CDKAL1: variants seen among roughly 807,000 people sequenced by gnomAD.
CDKAL1 encodes the protein threonylcarbamoyladenosine tRNA methylthiotransferase.
A neutral mutation model predicts 68.2 loss-of-function variants in CDKAL1; 32 were observed. The observed-to-expected ratio is 0.47, with a 90% confidence interval of 0.35 to 0.63. The LOEUF is 0.63. CDKAL1 is among the 30% of genes least tolerant of loss of function. CDKAL1 has a pLI of 0.00. For synonymous variants in CDKAL1, 234 were observed against 244.3 expected, an observed-to-expected ratio of 0.96 and a Z score of 0.39; for missense variants, 606 against 696.7, an observed-to-expected ratio of 0.87 and a Z score of 1.47.
At chr6:21,039,375 A>G (rs1467880858) in intron 11 of CDKAL1, among the ~76,000 whole-genome samples, 1 of 152,170 alleles carries the variant, frequency 6.6e-6, no homozygotes, top group African/African-American at 2.4e-5. Flanking sequence ...CTGCTGGTAT[A>G]AGTAGTATAA....
At position 20,799,047 on chromosome 6, in the gene CDKAL1, T is replaced by TTTTG. The variant is rs1212107827; in HGVS notation, c.638+17785_638+17786insGTTT. Among the ~76,000 whole-genome samples, 15 of 109,022 alleles carry TTTTG rather than the reference T, an allele frequency of 1.4e-4. 1 individual carries two copies. Among genetic ancestry groups the TTTTG allele is most frequent in the Admixed American group, 1.2e-3 (12 of 9,830 alleles). 71.5% of individuals were successfully genotyped at this position (109,022 alleles called of 152,430 possible). A position where few individuals can be genotyped will look rare whatever the true frequency, so the allele number is the denominator to read the frequency against. Reference sequence around the variant, plus strand: ...ATATTTGAAAAGAACTGAGTTTTTTTTTTTTTTTTTTTTTTTTTTTTTGAG... The same window carrying TTTTG: ...ATATTTGAAAAGAACTGAGTTTTTTTTTTGTTTTTTTTTTTTTTTTTTTTTTGAG... On this transcript the variant is annotated intron_variant, in intron 8 of 15. Transcript: ENST00000274695.
Position 21,105,316 on chromosome 6 carries a change from C to T in CDKAL1, c.1237-3085C>T, listed in dbSNP as rs545091836. ...TCCAGGGGAAGGGAGTGTTAAATTA[C>T]TTTAGAATTTGATGGTCAGAAGCAC... On this transcript the variant is annotated intron_variant, in intron 12 of 15. Transcript: ENST00000274695. Among the ~76,000 whole-genome samples, 105 of 152,200 alleles carry T rather than the reference C, an allele frequency of 6.9e-4. 1 individual carries two copies. In the South Asian group the frequency reaches 0.02, roughly 30 times the overall value.
intron 5 of CDKAL1, among the ~76,000 whole-genome samples, chr6:20,708,947 A>G (rs1019349331): frequency 3.3e-5 from 5 of 152,140 alleles, no homozygotes; most frequent in African/African-American, 4.8e-5. Flanking sequence ...ATTGGTCATG[A>G]TAGAACTTGC....
chr6:21,125,601 G>A (rs1331016356), intron 13 of CDKAL1, among the ~76,000 whole-genome samples: 1 of 152,196 alleles, frequency 6.6e-6, no homozygotes, highest in Non-Finnish European at 1.5e-5. Flanking sequence ...GAACCCGGCG[G>A]GGGTGGGGCG....
intron 13 of CDKAL1, among the ~76,000 whole-genome samples, chr6:21,164,567 G>A (rs1562084964): frequency 1.3e-5 from 2 of 152,170 alleles, no homozygotes; most frequent in Admixed American, 6.5e-5. Flanking sequence ...TTGGCTTGAT[G>A]CCATTTATGC....
chr6:20,643,822 C>T (rs1478667118), intron 4 of CDKAL1, among the ~76,000 whole-genome samples: 1 of 152,074 alleles, frequency 6.6e-6, no homozygotes, highest in East Asian at 1.9e-4. Context: ...ATTATTCCCT[C>T]TTTTTTTCCC....
intron 15 of CDKAL1, among the ~76,000 whole-genome samples, chr6:21,220,051 T>A (rs545462115): frequency 6.6e-6 from 1 of 152,314 alleles, no homozygotes; most frequent in Admixed American, 6.5e-5. Context: ...GTGGGGCAGC[T>A]TTCATTCATA....
intron 4 of CDKAL1, among the ~76,000 whole-genome samples, chr6:20,634,826 A>C (rs558065471): frequency 4.0e-5 from 6 of 151,866 alleles, no homozygotes; most frequent in Admixed American, 2.0e-4. Context: ...AAAAATACAA[A>C]ATTAGCCAGG....
chr6:20,966,411 T>C (rs1477638143), intron 10 of CDKAL1, among the ~76,000 whole-genome samples: 1 of 152,212 alleles, frequency 6.6e-6, no homozygotes. Flanking sequence ...CTCAGAACTC[T>C]TTGATTTGCA....
intron 4 of CDKAL1, among the ~76,000 whole-genome samples, chr6:20,553,262 C>T (rs1020426660): frequency 6.6e-6 from 1 of 152,138 alleles, no homozygotes; most frequent in Non-Finnish European, 1.5e-5. Flanking sequence ...GTAATCCCAG[C>T]ACTTAGGAGG....
intron 9 of CDKAL1, among the ~76,000 whole-genome samples, chr6:20,951,557 T>G (rs1029986159): frequency 2.0e-5 from 3 of 152,236 alleles, no homozygotes; most frequent in African/African-American, 7.2e-5. Context: ...CAGGCTGGTC[T>G]GTAATTGCTT....
intron 8 of CDKAL1, 83 bp from the exon 9 acceptor site, chr6:20,845,992 T>C: frequency 1.3e-6 from 1 of 783,072 alleles, no homozygotes; most frequent in South Asian, 1.9e-5. Flanking sequence ...AGAGCACTTT[T>C]GTGTATGTTT....
intron 11 of CDKAL1, among the ~76,000 whole-genome samples, chr6:21,032,420 CTCTG>C (rs1263462876): frequency 1.3e-5 from 2 of 152,118 alleles, no homozygotes; most frequent in Non-Finnish European, 2.9e-5. Context: ...AACAGCGGAA[CTCTG>C]TCTATTTTTA....
At chr6:20,674,462 C>T (rs921645845) in intron 5 of CDKAL1, among the ~76,000 whole-genome samples, 14 of 152,120 alleles carry the variant, frequency 9.2e-5, no homozygotes, top group Admixed American at 2.6e-4. Flanking sequence ...AATGGATACG[C>T]AGTAACCATA....
intron 3 of CDKAL1, among the ~76,000 whole-genome samples, chr6:20,547,043 A>G (rs558006348): frequency 5.9e-5 from 9 of 152,212 alleles, no homozygotes; most frequent in Admixed American, 2.0e-4. Flanking sequence ...GAATATTTGC[A>G]TTACATACTT....
At chr6:20,971,477 T>C (rs1286894107) in intron 10 of CDKAL1, among the ~76,000 whole-genome samples, 2 of 152,212 alleles carry the variant, frequency 1.3e-5, no homozygotes, top group Admixed American at 6.5e-5. Flanking sequence ...AACTCTAGAA[T>C]TTGCAACAGA....
At position 20,999,995 on chromosome 6, in the gene CDKAL1, G is replaced by C. The variant is rs542927584; in HGVS notation, c.910-232G>C. On this transcript the variant is annotated intron_variant, in intron 10 of 15. Transcript: ENST00000274695. ...ACTTTATCTCTGTTTTGTCACCTAA[G>C]AGAAACAGCGAGCATGAGGAAATAA... 9.9e-5 allele frequency among the ~76,000 whole-genome samples: 15 copies of C among 152,274 alleles called. No individual in the cohort carries two copies. In the South Asian group the frequency reaches 3.1e-3, roughly 32 times the overall value.
chr6:20,694,635 G>A (rs565135488), intron 5 of CDKAL1, among the ~76,000 whole-genome samples: 7 of 152,264 alleles, frequency 4.6e-5, no homozygotes, highest in African/African-American at 1.4e-4. Context: ...ATGAGAGATA[G>A]GATGACCACA....
chr6:21,069,435 AATAT>A (rs1771632903), intron 12 of CDKAL1, among the ~76,000 whole-genome samples: 1 of 152,166 alleles, frequency 6.6e-6, no homozygotes, highest in African/African-American at 2.4e-5. Context: ...AGTCTCTGTT[AATAT>A]TATAACCTAC....
Sources: gnomAD v4.1 joint callset for allele counts (sites outside exome capture counted in the v4.1 genomes callset) on GRCh38, gnomAD v4.1.1 for gene constraint, MANE v1.5 for transcripts, NCBI Gene and HGNC (gene_info 2026-07-23, HGNC 2026-07-21) for gene names.